Variants in TTC33 observed in about 807,000 individuals in gnomAD.
TTC33 encodes the protein tetratricopeptide repeat protein 33.
Under a neutral mutation model 29.4 loss-of-function variants are expected in TTC33, and 24 were observed. The observed-to-expected ratio is 0.82, with a 90% CI of 0.59 to 1.15. TTC33 has a LOEUF of 1.15. Among genes scored for constraint, TTC33 ranks in the 50% most tolerant of loss-of-function variants. The pLI, the probability that TTC33 is intolerant of heterozygous loss-of-function variation, is 0.00. For missense variants in TTC33, 286 were observed against 310.4 expected (o/e 0.92, Z 0.59); for synonymous variants, 107 against 100.3 (o/e 1.07, Z -0.40).
chr5:40,741,279 T>A (rs1458891597), intron 2 of TTC33, among the ~76,000 whole-genome samples: 2 of 152,162 alleles, frequency 1.3e-5, no homozygotes, highest in African/African-American at 4.8e-5. Flanking sequence ...TAGCCTTCCC[T>A]CTAGGGATAG....
chr5:40,735,506 CA>C (rs749405037), intron 2 of TTC33, among the ~76,000 whole-genome samples: 7 of 151,982 alleles, frequency 4.6e-5, no homozygotes, highest in Non-Finnish European at 8.8e-5. Context: ...AGCCTGAGGC[CA>C]AAGCTTACTG....
chr5:40,733,116 A>G (rs1339860488), intron 2 of TTC33, among the ~76,000 whole-genome samples: 1 of 152,212 alleles, frequency 6.6e-6, no homozygotes, highest in Non-Finnish European at 1.5e-5. Flanking sequence ...ATTATTTCAT[A>G]TATAGAAATT....
chr5:40,728,369 T>G lies in TTC33; in HGVS notation c.411A>C (p.Gln137His), dbSNP rs770409701. ...CCAGGATTATCTCTCCTAAACCAAG[T>G]TGAGCACGTCCCAAAGTCTGCCAAG... The part of the protein sequence containing the change: ...WESWQTLGRA[Q>H]LGLGEIILAI... The change falls in exon 4 of 5, where the codon CAA (glutamine) becomes CAC (histidine). Residue 137 changes from glutamine to histidine, a missense_variant. Gln to His is a conservative substitution (Grantham distance 24). Coordinates refer to ENST00000337702, the MANE Select transcript of TTC33 (RefSeq NM_012382.3). 6.2e-7 allele frequency: 1 copy of G among 1,611,918 alleles called. No homozygotes were observed. The highest frequency in any genetic ancestry group is 1.3e-5 in the African/African-American group (1 of 74,696).
At chr5:40,723,443 A>C (rs559773443) in intron 4 of TTC33, among the ~76,000 whole-genome samples, 122 of 152,314 alleles carry the variant, frequency 8.0e-4, no homozygotes, top group African/African-American at 1.5e-3. Flanking sequence ...ATACTAAAAA[A>C]ATTTAAAAAA....
chr5:40,744,321 C>T (rs1338134588), intron 2 of TTC33, among the ~76,000 whole-genome samples: 4 of 152,028 alleles, frequency 2.6e-5, no homozygotes, highest in Admixed American at 2.6e-4. Flanking sequence ...ATTTGAGATG[C>T]TAGTATTTCA....
At chr5:40,727,243 T>A (rs1742308833) in intron 4 of TTC33, among the ~76,000 whole-genome samples, 1 of 152,238 alleles carries the variant, frequency 6.6e-6, no homozygotes, top group African/African-American at 2.4e-5. Context: ...AAGAAACTTT[T>A]AAAATGTTTT....
intron 2 of TTC33, among the ~76,000 whole-genome samples, chr5:40,731,251 G>C (rs904958258): frequency 1.3e-5 from 2 of 152,176 alleles, no homozygotes; most frequent in Admixed American, 6.5e-5. Context: ...AGGTTGGACT[G>C]TTTGTCCAAT....
chr5:40,747,043 T>G, intron 1 of TTC33, 24 bp from the exon 2 acceptor site: 1 of 1,585,924 alleles, frequency 6.3e-7, no homozygotes. Context: ...AAGAAACAGC[T>G]TTAAAATTCT....
intron 2 of TTC33, among the ~76,000 whole-genome samples, chr5:40,730,711 T>C (rs1378595076): frequency 1.3e-5 from 2 of 152,134 alleles, no homozygotes; most frequent in Non-Finnish European, 2.9e-5. Context: ...GTCCATGAAA[T>C]ATATGTAAAA....
intron 1 of TTC33, among the ~76,000 whole-genome samples, chr5:40,753,180 C>A (rs1174715030): frequency 1.3e-5 from 2 of 152,002 alleles, no homozygotes. Context: ...GCCTGGCCAA[C>A]ATGGTGAAAC....
chr5:40,752,813 AG>A (rs1225630383), intron 1 of TTC33, among the ~76,000 whole-genome samples: 4 of 152,264 alleles, frequency 2.6e-5, no homozygotes, highest in Non-Finnish European at 4.4e-5. Context: ...TAGCACGAAA[AG>A]ACTTGCTGGA....
chr5:40,727,113 G>A (rs1350673734), intron 4 of TTC33, among the ~76,000 whole-genome samples: 3 of 151,864 alleles, frequency 2.0e-5, no homozygotes, highest in Non-Finnish European at 4.4e-5. Flanking sequence ...ACCTTTTTTG[G>A]TAAGTAGAAA....
At chr5:40,730,385 G>C (rs1742394420) in intron 2 of TTC33, 42 bp from the exon 3 acceptor site, 1 of 1,539,756 alleles carries the variant, frequency 6.5e-7, no homozygotes, top group Non-Finnish European at 8.9e-7. Flanking sequence ...TTTTCAATAT[G>C]CTTTTTTGGA....
chr5:40,738,453 AC>A (rs1425591472), intron 2 of TTC33, among the ~76,000 whole-genome samples: 1 of 90,856 alleles, frequency 1.1e-5, no homozygotes, highest in Non-Finnish European at 2.4e-5. Flanking sequence ...AAAATACAAT[AC>A]AATACAATAC....
rs1741960958 is a variant in TTC33, at chr5:40,714,510, A to C, written c.*1635T>G. The C allele has an allele frequency of 6.6e-6, 1 of 152,300 alleles. No individual in the cohort carries two copies. The highest frequency in any genetic ancestry group is 2.4e-5 in the African/African-American group (1 of 41,456). The allele number at this position is 152,300 out of a possible 1,614,324, so 9.4% of individuals were successfully genotyped here. A position where few individuals can be genotyped will look rare whatever the true frequency, so the allele number is the denominator to read the frequency against. ...AACTATTTATTCACAAATTACACAAAAAACAAACATCCATTACTCAAAACA... is the reference window on the plus strand; with the variant it reads ...AACTATTTATTCACAAATTACACAACAAACAAACATCCATTACTCAAAACA... On this transcript the variant is annotated 3_prime_UTR_variant, in exon 5 of 5. Transcript: ENST00000337702.
At position 40,716,562 on chromosome 5, in the gene TTC33, G is replaced by C; in HGVS notation, c.436-64C>G. Reference sequence around the variant, plus strand: ...AAATTAGTATGTTTAATACAATCCTGTGTGTTTACGTACATATATACTGTA... The same window carrying C: ...AAATTAGTATGTTTAATACAATCCTCTGTGTTTACGTACATATATACTGTA... On this transcript the variant is annotated intron_variant, in intron 4 of 4. Transcript: ENST00000337702. The C allele has an allele frequency of 3.9e-6, 4 of 1,037,408 alleles. No homozygotes were observed. In the South Asian group the frequency reaches 4.6e-5, roughly 12 times the overall value. The allele number at this position is 1,037,408 out of a possible 1,614,324, so 64.3% of individuals were successfully genotyped here.
chr5:40,731,956 A>G (rs1243786237), intron 2 of TTC33, among the ~76,000 whole-genome samples: 35 of 152,156 alleles, frequency 2.3e-4, no homozygotes, highest in Admixed American at 2.2e-3. Context: ...TTAACATACA[A>G]TTATTTTCCC....
intron 1 of TTC33, among the ~76,000 whole-genome samples, chr5:40,752,606 C>CA (rs1742915241): frequency 6.6e-6 from 1 of 152,212 alleles, no homozygotes; most frequent in African/African-American, 2.4e-5. Flanking sequence ...ATTCAAAACA[C>CA]ACATTTATTG....
intron 4 of TTC33, among the ~76,000 whole-genome samples, chr5:40,718,243 A>C (rs1742048832): frequency 6.6e-6 from 1 of 151,764 alleles, no homozygotes; most frequent in African/African-American, 2.4e-5. Flanking sequence ...GTCTCTACTA[A>C]AGATACAAAA....
Sources: allele counts gnomAD v4.1 joint callset (sites outside exome capture counted in the v4.1 genomes callset), GRCh38; gene constraint gnomAD v4.1.1; transcripts MANE v1.5; gene names NCBI Gene and HGNC (gene_info 2026-07-23, HGNC 2026-07-21).